Variants in ANO1 observed in about 807,000 individuals in gnomAD.
The protein encoded by ANO1 is anoctamin 1.
A neutral mutation model predicts 124.0 loss-of-function variants in ANO1; 59 were observed. The ratio of observed to expected loss-of-function variants is 0.48; its 90% CI spans 0.39 to 0.59. The LOEUF (loss-of-function observed/expected upper bound fraction) is 0.59. Ranked by LOEUF, ANO1 falls within the 20% of genes least tolerant of loss-of-function variation. ANO1 has a pLI of 0.00. For synonymous variants in ANO1, 529 were observed against 532.0 expected (o/e 0.99, Z 0.08); for missense variants, 1,059 against 1,328.0 (o/e 0.80, Z 3.15).
intron 1 of ANO1, chr11:70,085,787 T>G: frequency 3.2e-6 from 4 of 1,248,074 alleles, no homozygotes; most frequent in African/African-American, 1.5e-5. Flanking sequence ...ACTGCAGTGC[T>G]GACTGTTTGG....
upstream of ANO1, chr11:70,075,299 T>C (rs2044044105): frequency 1.3e-5 from 2 of 152,094 alleles, no homozygotes; most frequent in Admixed American, 6.6e-5. Flanking sequence ...CCTGACAGCT[T>C]GTTGGTCTGC....
Position 70,088,006 on chromosome 11 carries a change from G to C in ANO1, c.363G>C (p.Glu121Asp). 1 of 1,550,122 alleles carries C rather than the reference G, an allele frequency of 6.5e-7. No individual in the cohort carries two copies. Among genetic ancestry groups the C allele is most frequent in the Non-Finnish European group, 8.7e-7 (1 of 1,147,426 alleles). ...GSGEPPMDYH[E>D]DDKRFRREEY... is the part of the protein sequence containing the mutation. ...GGGAGCCCCCGATGGACTACCACGA[G>C]GATGACAAGCGCTTCCGCAGGGAGG... Residue 121 changes from glutamate to aspartate, a missense_variant, in exon 2 of 26, where the codon GAG (glutamate) becomes GAC (aspartate). Glu to Asp is a conservative substitution (Grantham distance 45, BLOSUM62 2). This residue lies in a region of ANO1 where 250 missense variants were observed against 233.1 expected (regional missense o/e 1.07). Coordinates refer to ENST00000355303, the MANE Select transcript of ANO1 (RefSeq NM_018043.7).
At chr11:70,002,695 G>T (rs1856408761) in intron 1 of ANO1, among the ~76,000 whole-genome samples, 1 of 152,060 alleles carries the variant, frequency 6.6e-6, no homozygotes, top group Admixed American at 6.6e-5. Context: ...GTGCATGACT[G>T]CATTTTCTAA....
rs1026112495 is a variant in ANO1, at chr11:70,108,315, T to G, written c.748-38T>G. 3 of 1,596,190 alleles carry G rather than the reference T, an allele frequency of 1.9e-6. No individual in the cohort carries two copies. In the African/African-American group the frequency reaches 4.0e-5, roughly 21 times the overall value. Reference sequence around the variant, plus strand: ...CTGTTTCTGCTCGTGGAAGGTGCCTTAAGTAACTGCTCACCCCCCTTCTTG... The same window carrying G: ...CTGTTTCTGCTCGTGGAAGGTGCCTGAAGTAACTGCTCACCCCCCTTCTTG... On this transcript the variant is annotated intron_variant, in intron 5 of 25. Coordinates refer to ENST00000355303, the MANE Select transcript of ANO1 (RefSeq NM_018043.7).
At chr11:70,047,080 CAA>C (rs10660510) in intron 1 of ANO1, among the ~76,000 whole-genome samples, 2 of 73,880 alleles carry the variant, frequency 2.7e-5, no homozygotes, top group Admixed American at 1.6e-4. Context: ...GACTCTGTCT[CAA>C]AAAAAAAAAA....
intron 24 of ANO1, among the ~76,000 whole-genome samples, chr11:70,184,296 C>T (rs998806900): frequency 5.9e-5 from 9 of 152,188 alleles, no homozygotes; most frequent in Admixed American, 2.6e-4. Context: ...ACCCTGCCCC[C>T]ACAGACCCTG....
intron 10 of ANO1, among the ~76,000 whole-genome samples, chr11:70,128,895 C>A (rs898982689): frequency 9.2e-5 from 14 of 152,246 alleles, no homozygotes; most frequent in Non-Finnish European, 1.8e-4. Flanking sequence ...CGGTAGGGCT[C>A]ATGGGCAGGC....
chr11:69,990,669 A>G (rs1195771570), intron 1 of ANO1, among the ~76,000 whole-genome samples: 1 of 152,206 alleles, frequency 6.6e-6, no homozygotes, highest in African/African-American at 2.4e-5. Flanking sequence ...ATACTGTTTA[A>G]TTACAGCAAT....
chr11:70,174,731 C>T (rs1482899525), intron 22 of ANO1, among the ~76,000 whole-genome samples: 1 of 152,116 alleles, frequency 6.6e-6, no homozygotes, highest in Non-Finnish European at 1.5e-5. Flanking sequence ...AAGCCCTGGG[C>T]CTCCTGCATG....
intron 7 of ANO1, among the ~76,000 whole-genome samples, chr11:70,113,122 G>T (rs1005774668): frequency 1.5e-5 from 2 of 134,438 alleles, no homozygotes; most frequent in Non-Finnish European, 3.2e-5. Context: ...ACTCTTCCCC[G>T]CCCCACCCCA....
intron 1 of ANO1, among the ~76,000 whole-genome samples, chr11:70,019,642 G>A (rs369166109): frequency 2.6e-5 from 4 of 152,286 alleles, no homozygotes; most frequent in Admixed American, 1.3e-4. Flanking sequence ...TTACACCTCC[G>A]CAATTGGCAA....
chr11:70,010,166 C>T (rs12420646), intron 1 of ANO1, among the ~76,000 whole-genome samples: 54,513 of 97,128 alleles, frequency 0.56, 16,228 homozygotes, highest in East Asian at 0.81. Flanking sequence ...TGTGTGTGTG[C>T]GCGTGTGTGT....
In ANO1 at chr11:70,180,055, A is replaced by G. The variant is rs1023436948; in HGVS notation, c.2402A>G (p.Asn801Ser). The G allele has an allele frequency of 1.2e-6, 2 of 1,612,180 alleles. No homozygotes were observed. The highest frequency in any genetic ancestry group is 1.7e-6 in the Non-Finnish European group (2 of 1,178,354). The change falls in exon 23 of 26, where the codon AAT becomes AGT. Residue 801 changes from asparagine (N) to serine (S), a missense_variant and splice_region_variant. Coordinates refer to ENST00000355303, the MANE Select transcript of ANO1 (RefSeq NM_018043.7). Reference protein sequence around the residue: ...RGIGKLAVIINAFVISFTSDF... With the variant: ...RGIGKLAVIISAFVISFTSDF... ...ATTGGGAAGCTTGCTGTCATCATCA[A>G]TGTAAGTGACATCAGGGACCTTGGC...
intron 1 of ANO1, chr11:70,063,812 C>T (rs531580158): frequency 1.3e-5 from 2 of 152,492 alleles, no homozygotes; most frequent in African/African-American, 4.8e-5. Flanking sequence ...TCTTCCCAGA[C>T]TCAGGTCTTC....
In ANO1 at chr11:70,180,035, G is replaced by A. The variant is rs1376425702; in HGVS notation, c.2382G>A (p.Gly794=). 14 of 1,613,188 alleles carry A rather than the reference G, an allele frequency of 8.7e-6. No homozygotes were observed. Among genetic ancestry groups the A allele is most frequent in the Admixed American group, 6.7e-5 (4 of 60,002 alleles). ...GGTACAATATCCTCAGAGGCATTGG[G>A]AAGCTTGCTGTCATCATCAATGTAA... ...GIWYNILRGI[G]KLAVIINAFV... The change falls in exon 23 of 26, where the codon GGG becomes GGA. Residue 794 remains glycine (G), a synonymous_variant. Transcript: ENST00000355303.
At chr11:70,176,677 C>T (rs889974810) in intron 22 of ANO1, among the ~76,000 whole-genome samples, 1 of 152,142 alleles carries the variant, frequency 6.6e-6, no homozygotes, top group Non-Finnish European at 1.5e-5. Flanking sequence ...CATGAGGAGG[C>T]CTGTCCGACC....
At chr11:70,119,396 G>C (rs1408057862) in intron 8 of ANO1, among the ~76,000 whole-genome samples, 1 of 150,510 alleles carries the variant, frequency 6.6e-6, no homozygotes, top group African/African-American at 2.4e-5. Context: ...TGGATGATGG[G>C]TGGGTGGGTA....
chr11:70,133,472 C>T (rs961417657), intron 11 of ANO1, among the ~76,000 whole-genome samples: 1 of 152,178 alleles, frequency 6.6e-6, no homozygotes, highest in Non-Finnish European at 1.5e-5. Flanking sequence ...AAGGTAGAGC[C>T]GGGTCTCTGG....
rs912506050 is a variant in ANO1 at position 70,161,483 on chromosome 11, A to G, written c.1780+121A>G. The stretch of plus-strand genomic sequence containing the variant: ...CTGGGCCCCAGCTCCCTGGTTCTCA[A>G]TGGGTATCCTGAGCACAGGCCATGG... On this transcript the variant is annotated intron_variant, in intron 17 of 25. Coordinates refer to ENST00000355303, the MANE Select transcript of ANO1 (RefSeq NM_018043.7). The G allele has an allele frequency of 9.4e-6, 13 of 1,388,628 alleles. No homozygotes were observed. The East Asian group carries it at 1.6e-4, about 17-fold the overall frequency. The allele number at this position is 1,388,628 out of a possible 1,614,324, so 86.0% of individuals were successfully genotyped here. A position where few individuals can be genotyped will look rare whatever the true frequency, so the allele number is the denominator to read the frequency against.
Sources: gnomAD v4.1 joint callset for allele counts (sites outside exome capture counted in the v4.1 genomes callset) on GRCh38, gnomAD v4.1.1 for gene constraint, gnomAD v4.1.1 regional missense constraint, MANE v1.5 for transcripts, NCBI Gene and HGNC (gene_info 2026-07-23, HGNC 2026-07-21) for gene names.